DTWD2: variants seen among roughly 807,000 people sequenced by gnomAD.
The protein encoded by DTWD2 is tRNA-uridine aminocarboxypropyltransferase 2.
DTWD2 carries 39 observed loss-of-function variants against 31.8 expected under a neutral mutation model. That is an observed-to-expected ratio of 1.22 (90% CI 0.95 to 1.60). The LOEUF is 1.60. DTWD2 is among the 40% of genes most tolerant of loss of function. The pLI, the probability that DTWD2 is intolerant of heterozygous loss-of-function variation, is 0.00. For synonymous variants in DTWD2, 180 were observed against 142.8 expected, an observed-to-expected ratio of 1.26 and a Z score of -1.86; for missense variants, 515 against 381.5, an observed-to-expected ratio of 1.35 and a Z score of -2.92.
intron 4 of DTWD2, among the ~76,000 whole-genome samples, chr5:118,918,379 T>A (rs372625735): frequency 6.6e-6 from 1 of 150,826 alleles, no homozygotes; most frequent in East Asian, 2.0e-4. Flanking sequence ...CAGGCTAGAG[T>A]GCAGTGGCAC....
chr5:118,886,386 T>C (rs1752868447), intron 4 of DTWD2, among the ~76,000 whole-genome samples: 2 of 152,202 alleles, frequency 1.3e-5, no homozygotes, highest in South Asian at 2.1e-4. Context: ...AATAAATCCC[T>C]GTGAAGGAAT....
intron 5 of DTWD2, among the ~76,000 whole-genome samples, chr5:118,841,729 A>C (rs1336557084): frequency 6.6e-6 from 1 of 152,184 alleles, no homozygotes; most frequent in Non-Finnish European, 1.5e-5. Context: ...TGGCGGCTGT[A>C]ATACAACTGG....
At chr5:118,890,102 A>G (rs763797583) in intron 4 of DTWD2, among the ~76,000 whole-genome samples, 1 of 152,220 alleles carries the variant, frequency 6.6e-6, no homozygotes, top group Non-Finnish European at 1.5e-5. Context: ...TTATCTCACA[A>G]CCATCTGTTA....
chr5:118,934,270 A>AT (rs1355094200), intron 3 of DTWD2, among the ~76,000 whole-genome samples: 2 of 55,682 alleles, frequency 3.6e-5, no homozygotes. Context: ...CCTTGTCTCC[A>AT]TTAAAAAAAA....
At chr5:118,850,386 G>A (rs999895327) in intron 4 of DTWD2, among the ~76,000 whole-genome samples, 5 of 139,002 alleles carry the variant, frequency 3.6e-5, no homozygotes, top group Non-Finnish European at 6.1e-5. Flanking sequence ...CCTGAGGCAG[G>A]AGAATCACTT....
intron 4 of DTWD2, among the ~76,000 whole-genome samples, chr5:118,852,320 G>C (rs539415102): frequency 6.6e-6 from 1 of 152,264 alleles, no homozygotes; most frequent in East Asian, 1.9e-4. Context: ...GAGTCCTGAC[G>C]TGATGTACAT....
At chr5:118,935,577 G>A (rs932982417) in intron 3 of DTWD2, among the ~76,000 whole-genome samples, 7 of 152,260 alleles carry the variant, frequency 4.6e-5, no homozygotes, top group Middle Eastern at 3.4e-3. Context: ...TGGGGGTCTC[G>A]GAAGTTTTCT....
intron 4 of DTWD2, among the ~76,000 whole-genome samples, chr5:118,898,382 G>C (rs73239017): frequency 0.04 from 6,037 of 151,958 alleles, 400 homozygotes; most frequent in African/African-American, 0.14. Context: ...TTATGGCCGA[G>C]CACAGTGGCT....
At chr5:118,889,474 A>G (rs556867092) in intron 4 of DTWD2, among the ~76,000 whole-genome samples, 3 of 152,302 alleles carry the variant, frequency 2.0e-5, no homozygotes, top group Middle Eastern at 3.4e-3. Context: ...AAAATCCATT[A>G]TAAATTGAAA....
In DTWD2 at chr5:118,978,917, G is replaced by A. The variant is rs147398365; in HGVS notation, c.218+9377C>T. On this transcript the variant is annotated intron_variant, in intron 1 of 5. Coordinates refer to ENST00000510708, the MANE Select transcript of DTWD2 (RefSeq NM_173666.4). ...GCTACCTGGGAGGCTGAAGCAGGAG[G>A]AATGCTTGAGCCGGGAAGATGGAGG... is the stretch of plus-strand genomic sequence containing the variant. Among the ~76,000 whole-genome samples, 726 of 151,674 alleles carry A rather than the reference G, an allele frequency of 4.8e-3. 8 individuals are homozygous for A. Among genetic ancestry groups the A allele is most frequent in the African/African-American group, 0.017 (695 of 41,348 alleles).
intron 5 of DTWD2, among the ~76,000 whole-genome samples, chr5:118,843,994 TG>T (rs1456780881): frequency 6.6e-6 from 1 of 152,230 alleles, no homozygotes; most frequent in East Asian, 1.9e-4. Context: ...CCACCTTCCT[TG>T]CTCCTTCCTT....
chr5:118,941,107 C>T (rs1351138594), intron 2 of DTWD2, among the ~76,000 whole-genome samples: 23 of 152,088 alleles, frequency 1.5e-4, no homozygotes, highest in Non-Finnish European at 1.5e-5. Flanking sequence ...CCTCCTAGAG[C>T]CTATCTAAAT....
intron 4 of DTWD2, among the ~76,000 whole-genome samples, chr5:118,877,299 C>A (rs948225113): frequency 2.0e-5 from 3 of 152,018 alleles, no homozygotes; most frequent in Non-Finnish European, 2.9e-5. Context: ...GGTGAAACCC[C>A]ATCTCTACTA....
At chr5:118,852,592 A>C (rs1276214966) in intron 4 of DTWD2, among the ~76,000 whole-genome samples, 1 of 152,190 alleles carries the variant, frequency 6.6e-6, no homozygotes, top group African/African-American at 2.4e-5. Flanking sequence ...GGTTATGGAG[A>C]AAAGGAAATG....
chr5:118,983,304 T>C (rs1755348952), intron 1 of DTWD2, among the ~76,000 whole-genome samples: 1 of 152,158 alleles, frequency 6.6e-6, no homozygotes, highest in Non-Finnish European at 1.5e-5. Flanking sequence ...AGGAAGGTGG[T>C]CTCTGAAGCT....
rs527668423 is a variant in DTWD2, at chr5:118,940,029, T to A, written c.310-739A>T. Among the ~76,000 whole-genome samples the A allele has an allele frequency of 4.6e-5, 7 of 152,334 alleles. No homozygotes were observed. In the South Asian group the frequency reaches 1.0e-3, roughly 23 times the overall value. On this transcript the variant is annotated intron_variant, in intron 2 of 5. Transcript: ENST00000510708. ...CTGAAGGTGGAACTTAATCTCTTCC[T>A]CCCACTTGAGTGTGGGCTGGATTTA... is the stretch of plus-strand genomic sequence containing the variant.
chr5:118,972,891 T>G (rs1003739331), intron 1 of DTWD2, among the ~76,000 whole-genome samples: 3 of 152,166 alleles, frequency 2.0e-5, no homozygotes, highest in African/African-American at 7.2e-5. Flanking sequence ...TTCTAAGGCC[T>G]TGCTTTTGAA....
chr5:118,895,437 C>CT (rs1753064965), intron 4 of DTWD2, among the ~76,000 whole-genome samples: 1 of 152,094 alleles, frequency 6.6e-6, no homozygotes, highest in Admixed American at 6.5e-5. Context: ...CCATACTGCC[C>CT]TAAGCAATCT....
chr5:118,962,765 A>G (rs2149593909), intron 1 of DTWD2, among the ~76,000 whole-genome samples: 1 of 152,360 alleles, frequency 6.6e-6, no homozygotes, highest in Non-Finnish European at 1.5e-5. Context: ...AAAACCTGTC[A>G]GCAGGAGGTA....
Sources: allele counts gnomAD v4.1 joint callset (sites outside exome capture counted in the v4.1 genomes callset), GRCh38; gene constraint gnomAD v4.1.1; transcripts MANE v1.5; gene names NCBI Gene and HGNC (gene_info 2026-07-23, HGNC 2026-07-21).